Variants in TMEM276 observed in about 807,000 individuals in gnomAD.
The protein encoded by TMEM276 is transmembrane protein 276.
chr8:144,465,008 T>C, the TMEM276 span: 2 of 1,541,196 alleles, frequency 1.3e-6, no homozygotes, highest in African/African-American at 1.4e-5. Context: ...CGCGGCACTC[T>C]AGTAAGCCCA....
chr8:144,464,605 C>T, the TMEM276 span: 18 of 1,606,488 alleles, frequency 1.1e-5, no homozygotes, highest in Admixed American at 1.0e-4. Context: ...AGCAGCCCCT[C>T]GACTTGCCTG....
the TMEM276 span, chr8:144,466,591 G>A: frequency 1.1e-6 from 1 of 926,052 alleles, no homozygotes; most frequent in East Asian, 3.4e-5. Context: ...TTCCCGGGGC[G>A]GGGGCGGGCA....
chr8:144,464,154 C>G, the TMEM276 span: 1 of 1,612,270 alleles, frequency 6.2e-7, no homozygotes, highest in Non-Finnish European at 8.5e-7. Context: ...GCTGTGTATG[C>G]AGGGCCCGGC....
At chr8:144,466,236 G>A in the TMEM276 span, 2 of 193,720 alleles carry the variant, frequency 1.0e-5, no homozygotes, top group East Asian at 2.7e-4. Context: ...CGGGTCTCCA[G>A]GTGCGGCCGC....
chr8:144,464,229 C>T, the TMEM276 span: 1 of 1,613,086 alleles, frequency 6.2e-7, no homozygotes, highest in Non-Finnish European at 8.5e-7. Context: ...GCAGCAGCAG[C>T]CTGTCCTCCT....
chr8:144,464,565 G>C, the TMEM276 span: 6 of 1,611,404 alleles, frequency 3.7e-6, no homozygotes, highest in African/African-American at 8.0e-5. Flanking sequence ...GCGTGGTGGT[G>C]GCAGCCAAGA....
At chr8:144,464,553 C>T in the TMEM276 span, 4 of 1,611,830 alleles carry the variant, frequency 2.5e-6, no homozygotes, top group Non-Finnish European at 2.5e-6. Context: ...GCCCTGGGGC[C>T]AGCGTGGTGG....
At chr8:144,464,244 C>G in the TMEM276 span, 13 of 1,613,024 alleles carry the variant, frequency 8.1e-6, no homozygotes, top group Middle Eastern at 1.6e-4. Flanking sequence ...CCTCCTCCAG[C>G]CGGCTCAGGA....
chr8:144,464,751 G>A, the TMEM276 span: 2 of 1,604,142 alleles, frequency 1.2e-6, no homozygotes, highest in Non-Finnish European at 8.5e-7. Flanking sequence ...CAGGAAACTA[G>A]GTCCTTGGGG....
At chr8:144,464,903 G>C in the TMEM276 span, 1 of 1,611,252 alleles carries the variant, frequency 6.2e-7, no homozygotes, top group Non-Finnish European at 8.5e-7. Context: ...GGGGGCCATG[G>C]CACCTCAGGC....
At chr8:144,464,370 G>C in the TMEM276 span, 1 of 1,610,796 alleles carries the variant, frequency 6.2e-7, no homozygotes, top group Non-Finnish European at 8.5e-7. Flanking sequence ...CAGCCACAGA[G>C]CGGCCCTCAG....
At chr8:144,464,127 T>A in the TMEM276 span, 12 of 1,606,292 alleles carry the variant, frequency 7.5e-6, no homozygotes, top group Admixed American at 1.7e-5. Flanking sequence ...TATCCAACTG[T>A]CACTCCCACT....
At chr8:144,465,428 C>CT in the TMEM276 span, 4 of 1,010,142 alleles carry the variant, frequency 4.0e-6, no homozygotes, top group East Asian at 1.1e-4. Context: ...GCCGTCGGCC[C>CT]TGCCTCCTCT....
chr8:144,464,991 C>T, the TMEM276 span: 4 of 1,552,576 alleles, frequency 2.6e-6, no homozygotes, highest in African/African-American at 5.4e-5. Context: ...CGACCTGGAG[C>T]CCTACGCGCG....
chr8:144,465,020 G>A, the TMEM276 span: 1 of 1,536,810 alleles, frequency 6.5e-7, no homozygotes, highest in Non-Finnish European at 8.7e-7. Context: ...GTAAGCCCAG[G>A]TTCCAGGTCC....
At chr8:144,464,060 C>G in the TMEM276 span, 1 of 1,554,626 alleles carries the variant, frequency 6.4e-7, no homozygotes. Context: ...GAGAAGGCGC[C>G]AGGAGCAGGC....
chr8:144,465,245 G>C, the TMEM276 span: 1 of 1,147,478 alleles, frequency 8.7e-7, no homozygotes, highest in South Asian at 1.6e-5. Context: ...GCAGGCCCAC[G>C]CGGCGGCCTC....
the TMEM276 span, chr8:144,466,402 C>A: frequency 8.3e-7 from 1 of 1,202,498 alleles, no homozygotes; most frequent in Non-Finnish European, 1.1e-6. Context: ...GCGGGGCCCT[C>A]TGCCGCCCCG....
chr8:144,465,538 G>A, the TMEM276 span: 9 of 551,196 alleles, frequency 1.6e-5, no homozygotes, highest in South Asian at 2.2e-4. Flanking sequence ...GGCTGGGGGG[G>A]GAGGGTCGAG....
Sources: gnomAD v4.1 joint callset for allele counts on GRCh38, gnomAD v4.1.1 for gene constraint, MANE v1.5 for transcripts, NCBI Gene and HGNC (gene_info 2026-07-23, HGNC 2026-07-21) for gene names.